SLF1: variants seen among roughly 807,000 people sequenced by gnomAD.
The protein encoded by SLF1 is SMC5-SMC6 complex localization factor protein 1.
Under a neutral mutation model 123.0 loss-of-function variants are expected in SLF1, and 105 were observed. That is an observed-to-expected ratio of 0.85 (90% CI 0.73 to 1.00). The LOEUF is 1.00. SLF1 is among the 50% of genes least tolerant of loss of function. SLF1 has a pLI of 0.00. For missense variants in SLF1, 1,239 were observed against 1,223.0 expected, an observed-to-expected ratio of 1.01 and a Z score of -0.20; for synonymous variants, 434 against 406.6, an observed-to-expected ratio of 1.07 and a Z score of -0.81.
intron 4 of SLF1, among the ~76,000 whole-genome samples, chr5:94,636,635 G>C (rs1228203708): frequency 6.7e-6 from 1 of 149,484 alleles, no homozygotes; most frequent in Admixed American, 6.6e-5. Flanking sequence ...TTCTTTGTCA[G>C]ACTTCTTGTT....
chr5:94,679,197 C>A (rs1389762733), intron 15 of SLF1, among the ~76,000 whole-genome samples: 2 of 152,124 alleles, frequency 1.3e-5, no homozygotes, highest in Non-Finnish European at 2.9e-5. Context: ...TATTTCTAAG[C>A]ATTTTTGTAT....
At chr5:94,618,417 T>C (rs1433856096), upstream of SLF1, 3 of 152,364 alleles carry the variant, frequency 2.0e-5, no homozygotes, top group Non-Finnish European at 4.4e-5. Context: ...CCCACTCACT[T>C]CTCGGGCTGG....
chr5:94,665,941 A>C lies in SLF1; in HGVS notation c.1449A>C (p.Pro483=). 3.9e-6 allele frequency: 6 copies of C among 1,551,282 alleles called. No homozygotes were observed. Among genetic ancestry groups the C allele is most frequent in the Non-Finnish European group, 5.2e-6 (6 of 1,146,508 alleles). ...LLHLHPPWKS[P]AMSRYYLELF... ...ACCTGCATCCTCCTTGGAAGTCTCC[A>C]GCCATGTCGAGATATTATTTAGAGT... is the stretch of plus-strand genomic sequence containing the variant. Residue 483 remains proline (P), a synonymous_variant, in exon 12 of 21, where the codon CCA becomes CCC. Transcript: ENST00000265140.
chr5:94,642,613 G>T (rs987728547), intron 4 of SLF1, among the ~76,000 whole-genome samples: 1 of 152,030 alleles, frequency 6.6e-6, no homozygotes, highest in Non-Finnish European at 1.5e-5. Context: ...AGATTATTTG[G>T]CTTTTTCTTA....
At chr5:94,671,108 A>G in intron 14 of SLF1, 100 bp downstream of exon 14, 1 of 874,086 alleles carries the variant, frequency 1.1e-6, no homozygotes, top group East Asian at 2.7e-5. Context: ...CTCGAAAACA[A>G]TTAAAATGTA....
intron 14 of SLF1, among the ~76,000 whole-genome samples, chr5:94,675,156 A>G (rs1029886297): frequency 1.3e-5 from 2 of 152,250 alleles, no homozygotes; most frequent in Non-Finnish European, 2.9e-5. Flanking sequence ...CAGAAGGCCA[A>G]GATGCTAGTT....
intron 4 of SLF1, among the ~76,000 whole-genome samples, chr5:94,642,623 AC>A (rs1292620031): frequency 6.6e-6 from 1 of 152,090 alleles, no homozygotes; most frequent in East Asian, 1.9e-4. Context: ...GCTTTTTCTT[AC>A]TGTTAGGTGG....
At chr5:94,681,824 T>C (rs922602268) in intron 15 of SLF1, among the ~76,000 whole-genome samples, 1 of 152,188 alleles carries the variant, frequency 6.6e-6, no homozygotes, top group African/African-American at 2.4e-5. Context: ...TTTTCTTTTC[T>C]GTTAGTGCAG....
rs547492805 is a variant in SLF1 at position 94,640,819 on chromosome 5, C to T, written c.432-2454C>T. ...ATTTCTACCATTTCCATTGAACTCT[C>T]CAGTGAATTCCTCATTTCTTCAAGT... On this transcript the variant is annotated intron_variant, in intron 4 of 20. Coordinates refer to ENST00000265140, the MANE Select transcript of SLF1 (RefSeq NM_032290.4). Among the ~76,000 whole-genome samples the T allele has an allele frequency of 7.7e-4, 117 of 152,250 alleles. No individual in the cohort carries two copies. The Middle Eastern group carries it at 0.031, about 40-fold the overall frequency.
intron 4 of SLF1, among the ~76,000 whole-genome samples, chr5:94,632,831 G>A (rs1219951012): frequency 6.6e-6 from 1 of 151,898 alleles, no homozygotes; most frequent in Non-Finnish European, 1.5e-5. Flanking sequence ...CTCCTGAGTA[G>A]CTGGGACTAC....
At chr5:94,643,519 G>C (rs182264833) in intron 5 of SLF1, 84 bp downstream of exon 5, 22 of 1,020,370 alleles carry the variant, frequency 2.2e-5, no homozygotes, top group Non-Finnish European at 2.5e-5. Context: ...ATATATTAAA[G>C]TTGTGTTCTA....
chr5:94,632,008 C>A (rs1238425325), intron 4 of SLF1, among the ~76,000 whole-genome samples: 2 of 143,252 alleles, frequency 1.4e-5, no homozygotes, highest in East Asian at 4.0e-4. Context: ...ATTAGCCAGG[C>A]TTGGTGATGC....
rs753424070 is a variant in SLF1 at position 94,691,682 on chromosome 5, G to A, written c.2512+26G>A. On this transcript the variant is annotated intron_variant, in intron 19 of 20. Transcript: ENST00000265140. ...GTAAGTTTTAAATCTTTGTGGTCTAGTCCAATGTCTTAATATTTGTGATAT... is the reference window on the plus strand; with the variant it reads ...GTAAGTTTTAAATCTTTGTGGTCTAATCCAATGTCTTAATATTTGTGATAT... 16 of 1,520,642 alleles carry A rather than the reference G, an allele frequency of 1.1e-5. No homozygotes were observed. In the African/African-American group the frequency reaches 1.8e-4, roughly 17 times the overall value. The allele number at this position is 1,520,642 out of a possible 1,614,324, so 94.2% of individuals were successfully genotyped here.
Position 94,678,795 on chromosome 5 carries a change from A to G in SLF1, c.1828-13A>G. ...TAATATATTTTAGTAATTTTTTTGT[A>G]TCTTAATGTTAGGTCTTCAAACATG... On this transcript the variant is annotated splice_polypyrimidine_tract_variant and intron_variant, in intron 14 of 20. Coordinates refer to ENST00000265140, the MANE Select transcript of SLF1 (RefSeq NM_032290.4). The G allele has an allele frequency of 6.2e-7, 1 of 1,601,694 alleles. No homozygotes were observed. Among genetic ancestry groups the G allele is most frequent in the African/African-American group, 1.3e-5 (1 of 74,610 alleles).
chr5:94,671,810 A>G (rs1189590949), intron 14 of SLF1, among the ~76,000 whole-genome samples: 1 of 151,138 alleles, frequency 6.6e-6, no homozygotes, highest in South Asian at 2.1e-4. Flanking sequence ...GTTTTTTTTC[A>G]AAGTATTTTC....
At chr5:94,690,385 T>G (rs1344160488) in intron 18 of SLF1, among the ~76,000 whole-genome samples, 1 of 152,208 alleles carries the variant, frequency 6.6e-6, no homozygotes, top group Non-Finnish European at 1.5e-5. Flanking sequence ...ATATTACAGA[T>G]TCAAAATAAC....
intron 12 of SLF1, among the ~76,000 whole-genome samples, chr5:94,669,864 A>C (rs1463561370): frequency 6.6e-6 from 1 of 152,110 alleles, no homozygotes; most frequent in South Asian, 2.1e-4. Flanking sequence ...TGTTCTCATC[A>C]GTGAAATAAA....
rs1271384740 is a variant in SLF1, at chr5:94,628,927, A to G, written c.114+3A>G. On this transcript the variant is annotated splice_donor_region_variant and intron_variant, in intron 2 of 20. Coordinates refer to ENST00000265140, the MANE Select transcript of SLF1 (RefSeq NM_032290.4). ...ATTGCACTTTTATTAAGAGTGAGGT[A>G]AGAAACTTATCAAAATGTTCAAGAT... 1 of 1,524,474 alleles carries G rather than the reference A, an allele frequency of 6.6e-7. No homozygotes were observed. Among genetic ancestry groups the G allele is most frequent in the Non-Finnish European group, 8.8e-7 (1 of 1,130,732 alleles). The allele number at this position is 1,524,474 out of a possible 1,614,324, so 94.4% of individuals were successfully genotyped here.
At chr5:94,654,116 G>A (rs1561445020) in intron 8 of SLF1, among the ~76,000 whole-genome samples, 1 of 152,092 alleles carries the variant, frequency 6.6e-6, no homozygotes, top group Non-Finnish European at 1.5e-5. Flanking sequence ...GTTGCAGTGA[G>A]CCAAGATTGC....
Sources: gnomAD v4.1 joint callset for allele counts (sites outside exome capture counted in the v4.1 genomes callset) on GRCh38, gnomAD v4.1.1 for gene constraint, MANE v1.5 for transcripts, NCBI Gene and HGNC (gene_info 2026-07-23, HGNC 2026-07-21) for gene names.